CCDC148: variants seen among roughly 807,000 people sequenced by gnomAD.
CCDC148 encodes the protein coiled-coil domain-containing protein 148.
CCDC148 carries 89 observed loss-of-function variants against 85.7 expected under a neutral mutation model. The ratio of observed to expected loss-of-function variants is 1.04; its 90% CI spans 0.87 to 1.24. CCDC148 has a LOEUF of 1.24. CCDC148 is among the 50% of genes most tolerant of loss of function. The pLI is 0.00. For missense variants in CCDC148, 692 were observed against 671.7 expected, an observed-to-expected ratio of 1.03 and a Z score of -0.33; for synonymous variants, 230 against 213.9, an observed-to-expected ratio of 1.08 and a Z score of -0.66.
intron 7 of CCDC148, among the ~76,000 whole-genome samples, chr2:158,328,014 A>C (rs1692871915): frequency 6.6e-6 from 1 of 151,610 alleles, no homozygotes; most frequent in South Asian, 2.1e-4. Flanking sequence ...TTACTAAATT[A>C]TCTCATTTCT....
At chr2:158,245,021 T>C (rs1688512367) in intron 10 of CCDC148, among the ~76,000 whole-genome samples, 1 of 152,198 alleles carries the variant, frequency 6.6e-6, no homozygotes. Context: ...TTTTATAATG[T>C]CATGATTCAT....
intron 7 of CCDC148, among the ~76,000 whole-genome samples, chr2:158,323,202 T>A (rs1692601373): frequency 6.6e-6 from 1 of 152,224 alleles, no homozygotes; most frequent in African/African-American, 2.4e-5. Flanking sequence ...TTTAAAGCTG[T>A]GCTGTCCAAG....
intron 7 of CCDC148, among the ~76,000 whole-genome samples, chr2:158,330,190 C>T (rs1447175265): frequency 6.6e-6 from 1 of 152,084 alleles, no homozygotes; most frequent in African/African-American, 2.4e-5. Flanking sequence ...CCATCAATAC[C>T]TAATTTATTG....
chr2:158,415,252 T>C (rs1384542411), intron 1 of CCDC148, among the ~76,000 whole-genome samples: 1 of 152,016 alleles, frequency 6.6e-6, no homozygotes, highest in Non-Finnish European at 1.5e-5. Context: ...ACATTCTACA[T>C]GGCTGGAGCA....
chr2:158,263,219 G>A (rs989575283), intron 9 of CCDC148, among the ~76,000 whole-genome samples: 1 of 152,044 alleles, frequency 6.6e-6, no homozygotes, highest in African/African-American at 2.4e-5. Context: ...CTACTTTAGG[G>A]CATGTACTCT....
chr2:158,419,327 A>G (rs1686656831), intron 1 of CCDC148, among the ~76,000 whole-genome samples: 1 of 152,226 alleles, frequency 6.6e-6, no homozygotes, highest in African/African-American at 2.4e-5. Flanking sequence ...GAAGTTTTAA[A>G]AAACCTTTTT....
At chr2:158,189,747 A>G (rs1027360426) in intron 11 of CCDC148, among the ~76,000 whole-genome samples, 1 of 151,938 alleles carries the variant, frequency 6.6e-6, no homozygotes, top group African/African-American at 2.4e-5. Flanking sequence ...AATGGCATAG[A>G]CACATAGACA....
Position 158,187,015 on chromosome 2 carries a change from A to G in CCDC148, c.1371-8019T>C, listed in dbSNP as rs374236318. Reference sequence around the variant, plus strand: ...TTATGTACTAATGAAGTTGATCCTTAACTGGACATTCAACACTGCTCCAGA... The same window carrying G: ...TTATGTACTAATGAAGTTGATCCTTGACTGGACATTCAACACTGCTCCAGA... On this transcript the variant is annotated intron_variant, in intron 11 of 13. Transcript: ENST00000283233. Among the ~76,000 whole-genome samples the G allele has an allele frequency of 5.9e-5, 9 of 152,052 alleles. No homozygotes were observed. In the South Asian group the frequency reaches 1.9e-3, roughly 32 times the overall value.
chr2:158,191,516 A>G (rs556791660), intron 11 of CCDC148, among the ~76,000 whole-genome samples: 1 of 152,026 alleles, frequency 6.6e-6, no homozygotes, highest in South Asian at 2.1e-4. Context: ...CTACTTTTTA[A>G]GTAACCCTTC....
chr2:158,269,562 C>T (rs911038790), intron 9 of CCDC148, among the ~76,000 whole-genome samples: 5 of 152,138 alleles, frequency 3.3e-5, no homozygotes, highest in African/African-American at 1.2e-4. Context: ...TTGGTCAACC[C>T]TTGACCACTG....
intron 1 of CCDC148, among the ~76,000 whole-genome samples, chr2:158,419,272 G>A (rs1440288164): frequency 6.6e-6 from 1 of 152,164 alleles, no homozygotes; most frequent in East Asian, 1.9e-4. Flanking sequence ...ATAGCTCTAT[G>A]AAAATTTAAA....
At chr2:158,398,047 T>C (rs139880840) in intron 1 of CCDC148, among the ~76,000 whole-genome samples, 7,245 of 152,138 alleles carry the variant, frequency 0.048, 252 homozygotes, top group Non-Finnish European at 0.063. Context: ...TACATAATAG[T>C]AAATGGAACA....
At chr2:158,358,297 G>C in intron 2 of CCDC148, 152 bp downstream of exon 2, 2 of 825,730 alleles carry the variant, frequency 2.4e-6, no homozygotes, top group African/African-American at 1.8e-5. Flanking sequence ...GAGAGCATTC[G>C]ATAAATGTTA....
intron 12 of CCDC148, chr2:158,178,224 C>T (rs936594518): frequency 2.0e-5 from 3 of 152,122 alleles, no homozygotes; most frequent in African/African-American, 4.8e-5. Context: ...TAGTCCTTTC[C>T]TATTAGCTGG....
At chr2:158,303,052 G>C (rs1335961043) in intron 9 of CCDC148, among the ~76,000 whole-genome samples, 1 of 152,062 alleles carries the variant, frequency 6.6e-6, no homozygotes, top group Non-Finnish European at 1.5e-5. Flanking sequence ...AAACAAAACA[G>C]AGACAGAGAA....
chr2:158,366,013 C>A (rs1294108649), intron 1 of CCDC148: 2 of 1,529,070 alleles, frequency 1.3e-6, no homozygotes, highest in Non-Finnish European at 1.8e-6. Context: ...AAGAAAAATA[C>A]CTGAGCTATC....
chr2:158,359,869 T>C (rs1161000216), intron 1 of CCDC148, among the ~76,000 whole-genome samples: 2 of 152,186 alleles, frequency 1.3e-5, no homozygotes, highest in African/African-American at 4.8e-5. Flanking sequence ...GGGAGCCAAG[T>C]GATCTAGCTC....
chr2:158,337,414 T>C (rs1682445045), intron 7 of CCDC148, among the ~76,000 whole-genome samples: 1 of 152,158 alleles, frequency 6.6e-6, no homozygotes. Context: ...AGTTCTAAAA[T>C]CTCTTTAACA....
intron 9 of CCDC148, among the ~76,000 whole-genome samples, chr2:158,261,758 AAATAAAGCTC>A (rs552218466): frequency 7.9e-5 from 12 of 152,100 alleles, no homozygotes; most frequent in Non-Finnish European, 1.6e-4. Flanking sequence ...CAAGCATAAG[AAATAAAGCTC>A]AATATCCCTG....
Sources: allele counts gnomAD v4.1 joint callset (sites outside exome capture counted in the v4.1 genomes callset), GRCh38; gene constraint gnomAD v4.1.1; transcripts MANE v1.5; gene names NCBI Gene and HGNC (gene_info 2026-07-23, HGNC 2026-07-21).